The following TENM2 variants were observed in gnomAD, a reference collection of about 807,000 sequenced individuals.
The protein encoded by TENM2 is teneurin-2.
A neutral mutation model predicts 245.2 loss-of-function variants in TENM2; 52 were observed. The observed-to-expected ratio is 0.21, with a 90% CI of 0.17 to 0.27. The LOEUF (loss-of-function observed/expected upper bound fraction) is 0.27, where lower values mean the gene tolerates loss of function less well. TENM2 is among the 10% of genes least tolerant of loss of function. The pLI is 1.00. For missense variants in TENM2, 3,046 were observed against 3,666.8 expected (o/e 0.83, Z 4.37); for synonymous variants, 1,363 against 1,438.9 (o/e 0.95, Z 1.19).
rs1387283442 is a variant in TENM2 at position 168,216,931 on chromosome 5, CT to C, written c.4233+12del. ...GCATGGATGTAGCCCAGGTGAGACT[CT>C]TTCTTATTTCTCTTCACTAAGCAAC... On this transcript the variant is annotated intron_variant, in intron 22 of 28. Coordinates refer to ENST00000518659, the Ensembl canonical transcript of TENM2. The C allele has an allele frequency of 6.2e-7, 1 of 1,613,292 alleles. No homozygotes were observed. Among genetic ancestry groups the C allele is most frequent in the Non-Finnish European group, 8.5e-7 (1 of 1,179,706 alleles).
At chr5:167,869,834 C>T (rs979540328) in intron 2 of TENM2, among the ~76,000 whole-genome samples, 1 of 150,496 alleles carries the variant, frequency 6.6e-6, no homozygotes, top group Admixed American at 6.6e-5. Context: ...AGGAGAACCA[C>T]GTTAAAAAAA....
intron 1 of TENM2, among the ~76,000 whole-genome samples, chr5:167,345,378 G>T (rs1379225767): frequency 6.6e-6 from 1 of 152,228 alleles, no homozygotes; most frequent in Non-Finnish European, 1.5e-5. Flanking sequence ...GTTCTCAAAA[G>T]TGTGTTTAAC....
chr5:167,916,696 C>T (rs941450891), intron 3 of TENM2, among the ~76,000 whole-genome samples: 1 of 152,070 alleles, frequency 6.6e-6, no homozygotes, highest in Non-Finnish European at 1.5e-5. Flanking sequence ...GAGCTCGGAT[C>T]TTCCTGAGAG....
intron 24 of TENM2, among the ~76,000 whole-genome samples, chr5:168,226,506 A>C (rs919540002): frequency 6.6e-6 from 1 of 152,136 alleles, no homozygotes; most frequent in East Asian, 1.9e-4. Flanking sequence ...TGAACTGTCT[A>C]CATAGTTATC....
chr5:167,170,395 C>T, the TENM2 span, among the ~76,000 whole-genome samples: 1 of 152,126 alleles, frequency 6.6e-6, no homozygotes, highest in Admixed American at 6.5e-5. Flanking sequence ...TGAAGTTCCA[C>T]ATAAGAAGAC....
chr5:167,875,858 T>G (rs997473806), intron 2 of TENM2, 128 bp from the exon 5 acceptor site: 9 of 656,956 alleles, frequency 1.4e-5, no homozygotes, highest in Non-Finnish European at 1.6e-5. Flanking sequence ...AAAAAGCACA[T>G]CTGGAGCAGT....
intron 2 of TENM2, among the ~76,000 whole-genome samples, chr5:167,661,785 A>G (rs1469211687): frequency 2.6e-5 from 4 of 151,566 alleles, no homozygotes; most frequent in African/African-American, 9.7e-5. Flanking sequence ...CTGATAGCTT[A>G]GGCATGTTTG....
chr5:167,214,756 C>G, the TENM2 span, among the ~76,000 whole-genome samples: 2 of 152,016 alleles, frequency 1.3e-5, no homozygotes, highest in African/African-American at 4.8e-5. Context: ...CTAAGGGACC[C>G]GATGAATGAA....
the TENM2 span, among the ~76,000 whole-genome samples, chr5:167,193,641 A>G: frequency 2.0e-5 from 3 of 151,980 alleles, no homozygotes; most frequent in African/African-American, 7.2e-5. Flanking sequence ...TTTGAAGTTC[A>G]TACTATCACT....
the TENM2 span, among the ~76,000 whole-genome samples, chr5:167,002,339 A>C: frequency 6.6e-6 from 1 of 152,182 alleles, no homozygotes; most frequent in Non-Finnish European, 1.5e-5. Flanking sequence ...CTATATTTAA[A>C]AGTTTCATCT....
At chr5:167,359,864 T>G (rs1331656654) in intron 1 of TENM2, among the ~76,000 whole-genome samples, 1 of 152,174 alleles carries the variant, frequency 6.6e-6, no homozygotes, top group African/African-American at 2.4e-5. Context: ...TATGAGCCCT[T>G]TGCAGGATCA....
rs149764537 is a variant in TENM2, at chr5:168,147,468, C to A, written c.2423-15143C>A. Among the ~76,000 whole-genome samples the A allele has an allele frequency of 5.9e-5, 9 of 152,314 alleles. No homozygotes were observed. In the East Asian group the frequency reaches 1.7e-3, roughly 29 times the overall value. On this transcript the variant is annotated intron_variant, in intron 12 of 28. Coordinates refer to ENST00000518659, the Ensembl canonical transcript of TENM2. ...ATAAACATTGCAGCTTTCTAGCTTTCCCAGCCTTCTACTTATCCTATACCT... is the reference window on the plus strand; with the variant it reads ...ATAAACATTGCAGCTTTCTAGCTTTACCAGCCTTCTACTTATCCTATACCT...
chr5:168,126,406 G>C (rs1349078655), intron 11 of TENM2, among the ~76,000 whole-genome samples: 3 of 152,160 alleles, frequency 2.0e-5, no homozygotes, highest in African/African-American at 7.2e-5. Flanking sequence ...ACATTCTAGC[G>C]AGTATCAAAA....
At chr5:167,636,516 A>AAGGATTTTTGAAGGAT (rs1779220209) in intron 2 of TENM2, among the ~76,000 whole-genome samples, 1 of 152,216 alleles carries the variant, frequency 6.6e-6, no homozygotes, top group Admixed American at 6.5e-5. Context: ...TATTTGTCTG[A>AAGGATTTTTGAAGGAT]TTTTTGAAGG....
intron 2 of TENM2, among the ~76,000 whole-genome samples, chr5:167,508,170 G>A (rs1459392241): frequency 1.3e-5 from 2 of 152,040 alleles, no homozygotes; most frequent in Non-Finnish European, 2.9e-5. Context: ...AAAACAATTG[G>A]CTCACACATA....
At chr5:167,419,334 T>C (rs1763354857) in intron 2 of TENM2, among the ~76,000 whole-genome samples, 1 of 152,104 alleles carries the variant, frequency 6.6e-6, no homozygotes, top group African/African-American at 2.4e-5. Flanking sequence ...TGGTGGCTCA[T>C]GCCTGTAATC....
intron 27 of TENM2, among the ~76,000 whole-genome samples, chr5:168,259,569 C>A (rs945231040): frequency 3.3e-5 from 5 of 152,038 alleles, no homozygotes; most frequent in Admixed American, 3.3e-4. Context: ...GCCTGGGCAA[C>A]AGAGCAAGAC....
chr5:167,451,938 C>G (rs780240601), intron 2 of TENM2, among the ~76,000 whole-genome samples: 7 of 152,180 alleles, frequency 4.6e-5, no homozygotes, highest in Non-Finnish European at 7.4e-5. Flanking sequence ...CATGAGCCAC[C>G]GCGTCTGGCA....
chr5:167,803,542 T>C (rs2150960233), intron 2 of TENM2, among the ~76,000 whole-genome samples: 1 of 152,178 alleles, frequency 6.6e-6, no homozygotes, highest in South Asian at 2.1e-4. Context: ...ACCAAACCTG[T>C]AGGGCTCCTG....
Sources: allele counts gnomAD v4.1 joint callset (sites outside exome capture counted in the v4.1 genomes callset), GRCh38; gene constraint gnomAD v4.1.1; transcripts MANE v1.5; gene names NCBI Gene and HGNC (gene_info 2026-07-23, HGNC 2026-07-21).